HDAC4: variants seen among roughly 807,000 people sequenced by gnomAD.
HDAC4 encodes the protein histone deacetylase 4.
A neutral mutation model predicts 135.1 loss-of-function variants in HDAC4; 16 were observed. That is an observed-to-expected ratio of 0.12 (90% CI 0.08 to 0.18). The LOEUF is 0.18. HDAC4 is among the 10% of genes least tolerant of loss of function. The pLI is 1.00. For missense variants in HDAC4, 1,143 were observed against 1,511.8 expected (o/e 0.76, Z 4.05); for synonymous variants, 685 against 653.4 (o/e 1.05, Z -0.74).
rs1246538476 is a variant in HDAC4 at position 239,090,100 on chromosome 2, A to G, written c.2297T>C (p.Ile766Thr). Residue 766 changes from isoleucine (I) to threonine (T), a missense_variant, in exon 18 of 27, where the codon ATA becomes ACA. By Grantham distance (89) the Ile-to-Thr change is moderately conservative (BLOSUM62 -1). Transcript: ENST00000543185. ...CCCCGCCGAGTGCACCTCGTTCCAT[A>G]TGGTGTCACTGTCCACCTGTGGAAA... is the stretch of plus-strand genomic sequence containing the variant. ...CGGVGVDSDT[I>T]WNEVHSAGAA... 3 of 1,612,980 alleles carry G rather than the reference A, an allele frequency of 1.9e-6. No individual in the cohort carries two copies. The highest frequency in any genetic ancestry group is 1.7e-5 in the Admixed American group (1 of 60,004).
At chr2:239,072,487 C>T (rs948995058) in intron 22 of HDAC4, among the ~76,000 whole-genome samples, 7 of 152,324 alleles carry the variant, frequency 4.6e-5, no homozygotes, top group Admixed American at 2.0e-4. Flanking sequence ...TGTCCTGCAC[C>T]GAAGCACACT....
chr2:239,258,317 G>T (rs1414838577), intron 2 of HDAC4, among the ~76,000 whole-genome samples: 1 of 149,602 alleles, frequency 6.7e-6, no homozygotes, highest in African/African-American at 2.4e-5. Flanking sequence ...CACTGAACGG[G>T]TCAAAAGCAC....
chr2:239,228,291 C>A (rs1230342050), intron 3 of HDAC4, among the ~76,000 whole-genome samples: 1 of 152,200 alleles, frequency 6.6e-6, no homozygotes. Flanking sequence ...GACTGTGCTG[C>A]CCCCATGTCT....
At chr2:239,396,724 A>T (rs895741728) in intron 1 of HDAC4, among the ~76,000 whole-genome samples, 15 of 152,222 alleles carry the variant, frequency 9.9e-5, no homozygotes, top group African/African-American at 2.7e-4. Flanking sequence ...GAGATTTTTT[A>T]AAAAACTCTT....
rs1225106800 is a variant in HDAC4 at position 239,135,639 on chromosome 2, C to T, written c.979-996G>A. 2.0e-5 allele frequency among the ~76,000 whole-genome samples: 3 copies of T among 152,184 alleles called. No homozygotes were observed. In the East Asian group the frequency reaches 5.8e-4, roughly 29 times the overall value. On this transcript the variant is annotated intron_variant, in intron 9 of 26. Coordinates refer to ENST00000543185, the MANE Select transcript of HDAC4 (RefSeq NM_001378414.1). ...TTCAAAATCTGTCTAACCTTTGATG[C>T]TGGAGCTCCACTCTTGGGATGTAAC...
In HDAC4 at chr2:239,307,419, T is replaced by G. The variant is rs1002963350; in HGVS notation, c.22+45259A>C. Among the ~76,000 whole-genome samples the G allele has an allele frequency of 1.3e-5, 2 of 152,082 alleles. No individual in the cohort carries two copies. The highest frequency in any genetic ancestry group is 2.9e-5 in the Non-Finnish European group (2 of 68,014). On this transcript the variant is annotated intron_variant, in intron 2 of 26. Transcript: ENST00000543185. This position sits in a 1 kb window ranked among gnomAD's most constrained non-coding sequence, Gnocchi z 4.8. ...CCCCAGGAGAGAGGGGCTTGAAGGA[T>G]GGGTACCCCAAGCTGTCAAAAGACC...
In HDAC4 at chr2:239,111,550, G is replaced by A. The variant is rs780308357; in HGVS notation, c.1954C>T (p.Pro652Ser). The part of the protein sequence containing the change: ...ATFPVSVQEP[P>S]TKPRFTTGLV... ...CCTGTCGTGAACCTCGGCTTGGTGG[G>A]GGGCTCCTGCACAGACACGGGGAAG... Residue 652 changes from proline to serine, a missense_variant, in exon 14 of 27, where the codon CCC (proline) becomes TCC (serine). Physicochemically the swap from Pro to Ser is moderately conservative, Grantham distance 74. Around this residue, in one of 9 missense-constraint regions of HDAC4, gnomAD observed 196 missense variants for 210.7 expected, o/e 0.93. Transcript: ENST00000543185. The A allele has an allele frequency of 1.3e-5, 21 of 1,612,328 alleles. No homozygotes were observed. Among genetic ancestry groups the A allele is most frequent in the Non-Finnish European group, 1.7e-5 (20 of 1,179,782 alleles).
intron 22 of HDAC4, among the ~76,000 whole-genome samples, chr2:239,077,032 A>G (rs554203450): frequency 6.6e-6 from 1 of 151,968 alleles, no homozygotes; most frequent in South Asian, 2.1e-4. Context: ...CCCTGTCCCA[A>G]TCTCTGCCGC....
intron 2 of HDAC4, among the ~76,000 whole-genome samples, chr2:239,265,008 G>C (rs542501155): frequency 1.8e-4 from 27 of 152,330 alleles, no homozygotes; most frequent in African/African-American, 5.8e-4. Flanking sequence ...AGCAGGGCAG[G>C]CCCAATGCGG....
At chr2:239,206,395 C>T (rs904168185) in intron 3 of HDAC4, among the ~76,000 whole-genome samples, 1 of 107,706 alleles carries the variant, frequency 9.3e-6, no homozygotes, top group Admixed American at 9.5e-5. Flanking sequence ...CACATACGTG[C>T]ACACACACAC....
chr2:239,133,930 G>A (rs1353188941), intron 11 of HDAC4, among the ~76,000 whole-genome samples: 3 of 152,204 alleles, frequency 2.0e-5, no homozygotes, highest in Non-Finnish European at 4.4e-5. Flanking sequence ...CACAAGAGTC[G>A]GTTCTGGGCT....
rs761470605 is a variant in HDAC4, at chr2:239,068,467, A to C, written c.2869+22T>G. ...TGGACATGAGCAGAACCGGCTCCTC[A>C]GTCATATGCAGAACCACTTACATCT... On this transcript the variant is annotated intron_variant, in intron 23 of 26. Coordinates refer to ENST00000543185, the MANE Select transcript of HDAC4 (RefSeq NM_001378414.1). The surrounding 1 kb of genome is among the most constrained non-coding windows in gnomAD (Gnocchi z 4.4). The C allele has an allele frequency of 2.0e-6, 3 of 1,525,580 alleles. No homozygotes were observed. Among genetic ancestry groups the C allele is most frequent in the Non-Finnish European group, 2.7e-6 (3 of 1,099,322 alleles). 94.5% of individuals were successfully genotyped at this position (1,525,580 alleles called of 1,614,324 possible). A position where few individuals can be genotyped will look rare whatever the true frequency, so the allele number is the denominator to read the frequency against.
chr2:239,108,701 G>A (rs561635700), intron 14 of HDAC4, among the ~76,000 whole-genome samples: 2 of 152,302 alleles, frequency 1.3e-5, no homozygotes, highest in South Asian at 2.1e-4. Context: ...CACCAGATTC[G>A]AGCTCTGCCT....
chr2:239,177,471 C>G (rs921743451), intron 4 of HDAC4, among the ~76,000 whole-genome samples: 5 of 152,154 alleles, frequency 3.3e-5, no homozygotes, highest in Non-Finnish European at 2.9e-5. Flanking sequence ...AGAAGGCTGC[C>G]TCTGCGGGGG....
chr2:239,197,177 C>T (rs193078896), intron 3 of HDAC4, among the ~76,000 whole-genome samples: 1 of 152,274 alleles, frequency 6.6e-6, no homozygotes, highest in Admixed American at 6.5e-5. Context: ...GAAAACGTGT[C>T]GATTCTCCCC....
chr2:239,372,073 G>T (rs982183265), intron 1 of HDAC4, among the ~76,000 whole-genome samples: 2 of 152,184 alleles, frequency 1.3e-5, no homozygotes, highest in African/African-American at 4.8e-5. Flanking sequence ...ACTGCTGGGG[G>T]TCTCTCCAAC....
intron 2 of HDAC4, among the ~76,000 whole-genome samples, chr2:239,268,928 A>G (rs1030441249): frequency 2.0e-5 from 3 of 152,180 alleles, no homozygotes; most frequent in Admixed American, 6.5e-5. Flanking sequence ...AATGGAATTG[A>G]GCTGGCTTTT....
chr2:239,112,555 T>TG (rs199910207), intron 13 of HDAC4, among the ~76,000 whole-genome samples: 149 of 151,666 alleles, frequency 9.8e-4, no homozygotes, highest in African/African-American at 1.8e-3. Flanking sequence ...GCTCTGTGTG[T>TG]GGGGGGGGCA....
chr2:239,311,574 G>A (rs968176558), intron 2 of HDAC4, among the ~76,000 whole-genome samples: 8 of 152,140 alleles, frequency 5.3e-5, no homozygotes, highest in Non-Finnish European at 7.3e-5. Flanking sequence ...AATGGAGGCC[G>A]CTGTCATTAT....
Sources: gnomAD v4.1 joint callset for allele counts (sites outside exome capture counted in the v4.1 genomes callset) on GRCh38, gnomAD v4.1.1 for gene constraint, gnomAD v4.1.1 regional missense constraint, Gnocchi (gnomAD v3.1) non-coding constraint, MANE v1.5 for transcripts, NCBI Gene and HGNC (gene_info 2026-07-23, HGNC 2026-07-21) for gene names.